The following GPLD1 variants were observed in gnomAD, a reference collection of about 807,000 sequenced individuals.
GPLD1 encodes glycosylphosphatidylinositol specific phospholipase D1.
GPLD1 carries 84 observed loss-of-function variants against 112.6 expected under a neutral mutation model. That is an observed-to-expected ratio of 0.75 (90% confidence interval 0.63 to 0.89). The LOEUF is 0.89. Ranked by LOEUF, GPLD1 falls within the 40% of genes least tolerant of loss-of-function variation. GPLD1 has a pLI of 0.00. For synonymous variants in GPLD1, 386 were observed against 403.8 expected, an observed-to-expected ratio of 0.96 and a Z score of 0.53; for missense variants, 1,044 against 1,051.5, an observed-to-expected ratio of 0.99 and a Z score of 0.10.
chr6:24,445,779 A>G lies in GPLD1; in HGVS notation c.1873T>C (p.Tyr625His), dbSNP rs1448153885. 1 of 1,613,590 alleles carries G rather than the reference A, an allele frequency of 6.2e-7. No individual in the cohort carries two copies. The highest frequency in any genetic ancestry group is 8.5e-7 in the Non-Finnish European group (1 of 1,179,892). The stretch of plus-strand genomic sequence containing the variant: ...TGGCCGTTTGGTGGGAAGTAGCCAT[A>G]CACCCTCCCAAGGCTCTTTTTCTCA... ...RDEKKSLGRVYGYFPPNGQSW... is the reference protein window; with the variant it reads ...RDEKKSLGRVHGYFPPNGQSW... The change falls in exon 19 of 25, where the codon TAT becomes CAT. Residue 625 changes from tyrosine (Y) to histidine (H), a missense_variant. Transcript: ENST00000230036.
At chr6:24,462,075 C>T (rs577817960) in intron 11 of GPLD1, among the ~76,000 whole-genome samples, 1 of 152,248 alleles carries the variant, frequency 6.6e-6, no homozygotes, top group African/African-American at 2.4e-5. Flanking sequence ...CATGTAAAAT[C>T]TGGGTGAAGT....
At chr6:24,444,654 C>A (rs1762850008) in intron 20 of GPLD1, among the ~76,000 whole-genome samples, 1 of 151,942 alleles carries the variant, frequency 6.6e-6, no homozygotes, top group Non-Finnish European at 1.5e-5. Context: ...AGTTAGAGAC[C>A]AGTCTGGCCA....
At chr6:24,433,891 G>A (rs1489408299) in intron 22 of GPLD1, among the ~76,000 whole-genome samples, 1 of 152,018 alleles carries the variant, frequency 6.6e-6, no homozygotes, top group African/African-American at 2.4e-5. Flanking sequence ...ATAACCAGAT[G>A]TATAAAAACA....
chr6:24,482,177 G>A (rs949942708), intron 2 of GPLD1, among the ~76,000 whole-genome samples: 17 of 141,518 alleles, frequency 1.2e-4, no homozygotes, highest in African/African-American at 4.0e-4. Context: ...TCAGCTCACT[G>A]TAACCTCTGC....
chr6:24,459,642 C>T (rs997485472), intron 12 of GPLD1, among the ~76,000 whole-genome samples: 1 of 152,216 alleles, frequency 6.6e-6, no homozygotes, highest in Non-Finnish European at 1.5e-5. Context: ...TTTGTCACTC[C>T]TTTCAGACTG....
At chr6:24,472,087 C>T (rs1024589262) in intron 7 of GPLD1, among the ~76,000 whole-genome samples, 1 of 152,104 alleles carries the variant, frequency 6.6e-6, no homozygotes, top group Non-Finnish European at 1.5e-5. Flanking sequence ...TAAATACTCA[C>T]AAATAAATAA....
downstream of GPLD1, chr6:24,424,352 A>G (rs76976894): frequency 0.12 from 18,665 of 151,422 alleles, 1,481 homozygotes; most frequent in East Asian, 0.16. Context: ...CTTTGGAAGC[A>G]AAGTTGAAAG....
chr6:24,459,090 C>T (rs1020292074), intron 12 of GPLD1, among the ~76,000 whole-genome samples: 3 of 152,108 alleles, frequency 2.0e-5, no homozygotes, highest in African/African-American at 4.8e-5. Flanking sequence ...AATACGACTA[C>T]TCAGATTTCC....
intron 20 of GPLD1, among the ~76,000 whole-genome samples, chr6:24,440,427 G>A (rs996391077): frequency 2.0e-5 from 3 of 152,148 alleles, no homozygotes; most frequent in Middle Eastern, 3.4e-3. Context: ...CTGGGCAACA[G>A]AGCAAGACCC....
downstream of GPLD1, chr6:24,425,585 A>T (rs1018552336): frequency 6.6e-6 from 1 of 152,238 alleles, no homozygotes; most frequent in Non-Finnish European, 1.5e-5. Flanking sequence ...TTATGCCAAA[A>T]ATATATGAAG....
At chr6:24,495,069 C>T in exon 1 of GPLD1, 1 of 1,329,144 alleles carries the variant, frequency 7.5e-7, no homozygotes, top group Non-Finnish European at 9.6e-7. Context: ...CTGCCGCCTC[C>T]GCCCCCGCGC....
At chr6:24,444,168 T>A (rs1762836692) in intron 20 of GPLD1, among the ~76,000 whole-genome samples, 1 of 152,146 alleles carries the variant, frequency 6.6e-6, no homozygotes, top group South Asian at 2.1e-4. Flanking sequence ...ACATGAGTGT[T>A]CAATAATTAC....
intron 13 of GPLD1, among the ~76,000 whole-genome samples, chr6:24,454,905 G>C (rs543819989): frequency 1.3e-5 from 2 of 152,172 alleles, no homozygotes; most frequent in Non-Finnish European, 2.9e-5. Flanking sequence ...AAGGCAGGTG[G>C]ATCACCTGAG....
chr6:24,466,285 T>C (rs1763609054), intron 10 of GPLD1, among the ~76,000 whole-genome samples: 1 of 152,190 alleles, frequency 6.6e-6, no homozygotes, highest in African/African-American at 2.4e-5. Context: ...AGGCAGAGGT[T>C]GCAGTGAAGC....
chr6:24,430,606 A>G (rs1429740845), intron 24 of GPLD1, among the ~76,000 whole-genome samples: 1 of 152,170 alleles, frequency 6.6e-6, no homozygotes, highest in Admixed American at 6.5e-5. Context: ...AGCACTACTT[A>G]CTTAAGTAGA....
chr6:24,444,247 T>C (rs1168387036), intron 20 of GPLD1, among the ~76,000 whole-genome samples: 1 of 152,176 alleles, frequency 6.6e-6, no homozygotes, highest in East Asian at 1.9e-4. Context: ...TAGTAAATGC[T>C]GGCATTAAAA....
At chr6:24,478,829 C>T (rs1764108047) in intron 3 of GPLD1, among the ~76,000 whole-genome samples, 1 of 152,072 alleles carries the variant, frequency 6.6e-6, no homozygotes, top group African/African-American at 2.4e-5. Context: ...CGCCTCCTGT[C>T]CATATCTTTG....
At chr6:24,459,116 T>C (rs1416761070) in intron 12 of GPLD1, among the ~76,000 whole-genome samples, 1 of 152,106 alleles carries the variant, frequency 6.6e-6, no homozygotes, top group Non-Finnish European at 1.5e-5. Flanking sequence ...CCTGAAACTT[T>C]CCCAACCCAC....
At chr6:24,475,870 A>G (rs1446997286) in intron 4 of GPLD1, among the ~76,000 whole-genome samples, 1 of 87,648 alleles carries the variant, frequency 1.1e-5, no homozygotes, top group Non-Finnish European at 3.1e-5. Context: ...AAACACAAAA[A>G]CAGAAACAAA....
Sources: allele counts gnomAD v4.1 joint callset (sites outside exome capture counted in the v4.1 genomes callset), GRCh38; gene constraint gnomAD v4.1.1; transcripts MANE v1.5; gene names NCBI Gene and HGNC (gene_info 2026-07-23, HGNC 2026-07-21).